The following MAGI1 variants were observed in gnomAD, a reference collection of about 807,000 sequenced individuals.
MAGI1 encodes the protein membrane-associated guanylate kinase, WW and PDZ domain-containing protein 1.
In MAGI1, 58 loss-of-function variants were observed where a neutral mutation model predicts 139.9. The observed-to-expected ratio is 0.41, with a 90% CI of 0.34 to 0.52. MAGI1 has a LOEUF of 0.52. Ranked by LOEUF, MAGI1 falls within the 20% of genes least tolerant of loss-of-function variation. The pLI is 0.12. For missense variants in MAGI1, 1,874 were observed against 1,901.6 expected (o/e 0.99, Z 0.27); for synonymous variants, 812 against 737.9 (o/e 1.10, Z -1.63).
chr3:65,796,321 C>T (rs1177984454), intron 1 of MAGI1, among the ~76,000 whole-genome samples: 1 of 152,188 alleles, frequency 6.6e-6, no homozygotes, highest in East Asian at 1.9e-4. Flanking sequence ...GGGTAATCTG[C>T]TTTGCTCTGA....
intron 1 of MAGI1, among the ~76,000 whole-genome samples, chr3:65,845,790 C>A (rs552278258): frequency 3.3e-5 from 5 of 152,272 alleles, no homozygotes; most frequent in East Asian, 3.9e-4. Context: ...CAAATGACAA[C>A]CTGAATTTTA....
At chr3:65,932,756 A>C (rs2062864036) in intron 1 of MAGI1, among the ~76,000 whole-genome samples, 1 of 151,464 alleles carries the variant, frequency 6.6e-6, no homozygotes, top group African/African-American at 2.5e-5. Context: ...AAGAAACATA[A>C]TCAGAGGAAA....
intron 2 of MAGI1, among the ~76,000 whole-genome samples, chr3:65,597,072 C>T (rs1344669316): frequency 2.6e-5 from 4 of 152,106 alleles, no homozygotes; most frequent in African/African-American, 9.7e-5. Context: ...CTCTCCCTCT[C>T]CCCTGCCTTC....
chr3:65,979,562 T>G (rs2065458044), intron 1 of MAGI1, among the ~76,000 whole-genome samples: 1 of 152,192 alleles, frequency 6.6e-6, no homozygotes, highest in African/African-American at 2.4e-5. Context: ...GCATTTCTGT[T>G]TCATTCATTA....
intron 1 of MAGI1, among the ~76,000 whole-genome samples, chr3:65,933,361 G>C (rs1276726911): frequency 6.6e-6 from 1 of 152,156 alleles, no homozygotes; most frequent in African/African-American, 2.4e-5. Flanking sequence ...ATCTGCTTCT[G>C]CTTCTAAAAT....
chr3:65,679,385 C>T (rs2087417516), intron 1 of MAGI1, among the ~76,000 whole-genome samples: 1 of 152,070 alleles, frequency 6.6e-6, no homozygotes, highest in Non-Finnish European at 1.5e-5. Context: ...TCCTTAACTG[C>T]ATTCCTATTG....
intron 2 of MAGI1, among the ~76,000 whole-genome samples, chr3:65,578,410 A>G (rs911376832): frequency 6.6e-6 from 1 of 152,228 alleles, no homozygotes; most frequent in Non-Finnish European, 1.5e-5. Flanking sequence ...GAGATCCAGT[A>G]TAGAGAAGAT....
chr3:65,749,889 A>G (rs1235374158), intron 1 of MAGI1, among the ~76,000 whole-genome samples: 2 of 152,164 alleles, frequency 1.3e-5, no homozygotes, highest in Non-Finnish European at 2.9e-5. Context: ...GGCCTTCCCA[A>G]GCAAGATCCA....
intron 1 of MAGI1, among the ~76,000 whole-genome samples, chr3:65,879,127 A>C (rs1043386318): frequency 7.2e-5 from 11 of 152,132 alleles, no homozygotes; most frequent in Non-Finnish European, 2.9e-5. Flanking sequence ...CCCACCAGGC[A>C]GGCCCACAGC....
intron 1 of MAGI1, among the ~76,000 whole-genome samples, chr3:65,671,919 T>G (rs2086886308): frequency 6.6e-6 from 1 of 152,166 alleles, no homozygotes; most frequent in Non-Finnish European, 1.5e-5. Context: ...GGCCAAAAGC[T>G]GACCCGTGAT....
chr3:65,477,733 T>G (rs903143065), intron 4 of MAGI1, among the ~76,000 whole-genome samples: 23 of 149,690 alleles, frequency 1.5e-4, no homozygotes, highest in Non-Finnish European at 3.2e-4. Flanking sequence ...TTATTTATAT[T>G]TTTTGAGACA....
chr3:65,674,115 G>T (rs958092469), intron 1 of MAGI1, among the ~76,000 whole-genome samples: 10 of 152,134 alleles, frequency 6.6e-5, no homozygotes, highest in African/African-American at 2.4e-4. Context: ...GCTCAATAAG[G>T]TTAGGTCTAG....
intron 4 of MAGI1, among the ~76,000 whole-genome samples, chr3:65,473,327 G>A (rs1010973180): frequency 2.0e-5 from 3 of 152,038 alleles, no homozygotes; most frequent in Non-Finnish European, 4.4e-5. Flanking sequence ...CATATTTCTC[G>A]ATCTGTAAAA....
At chr3:65,983,670 C>G (rs2065711192) in intron 1 of MAGI1, among the ~76,000 whole-genome samples, 1 of 152,122 alleles carries the variant, frequency 6.6e-6, no homozygotes, top group African/African-American at 2.4e-5. Context: ...CTCTCCCTCC[C>G]AATTATTCTG....
At chr3:65,401,368 A>ACCCAAC in intron 13 of MAGI1, 71 bp downstream of exon 13, 3 of 1,323,558 alleles carry the variant, frequency 2.3e-6, no homozygotes, top group Non-Finnish European at 3.2e-6. Context: ...CACACAGAGT[A>ACCCAAC]CCCTCCCACC....
intron 3 of MAGI1, among the ~76,000 whole-genome samples, chr3:65,480,585 C>CTTTT (rs71102864): frequency 1.0e-5 from 1 of 99,080 alleles, no homozygotes; most frequent in Non-Finnish European, 2.0e-5. Flanking sequence ...AATAAGGTTT[C>CTTTT]TTTTTTTTTT....
At chr3:65,811,932 G>A (rs1039875503) in intron 1 of MAGI1, among the ~76,000 whole-genome samples, 12 of 24,144 alleles carry the variant, frequency 5.0e-4, no homozygotes, top group African/African-American at 1.9e-3. Context: ...GTTTACGTGT[G>A]TGTGTGTGTG....
At chr3:65,938,493 C>G (rs1312193288) in intron 1 of MAGI1, among the ~76,000 whole-genome samples, 1 of 151,758 alleles carries the variant, frequency 6.6e-6, no homozygotes, top group Non-Finnish European at 1.5e-5. Context: ...ACAAGATGAC[C>G]AACCTCTGAA....
At chr3:66,028,870 C>T (rs775102931) in intron 1 of MAGI1, among the ~76,000 whole-genome samples, 5 of 152,132 alleles carry the variant, frequency 3.3e-5, no homozygotes, top group African/African-American at 4.8e-5. Flanking sequence ...GAAAAGCTCT[C>T]CAGAGAACTG....
Sources: gnomAD v4.1 joint callset for allele counts (sites outside exome capture counted in the v4.1 genomes callset) on GRCh38, gnomAD v4.1.1 for gene constraint, MANE v1.5 for transcripts, NCBI Gene and HGNC (gene_info 2026-07-23, HGNC 2026-07-21) for gene names.